Variants in NELL1 observed in about 807,000 individuals in gnomAD.
The protein encoded by NELL1 is protein kinase C-binding protein NELL1.
A neutral mutation model predicts 107.4 loss-of-function variants in NELL1; 76 were observed. The observed-to-expected ratio is 0.71, with a 90% CI of 0.59 to 0.86. The LOEUF (loss-of-function observed/expected upper bound fraction) is 0.86, where lower values mean the gene tolerates loss of function less well. NELL1 is among the 40% of genes least tolerant of loss of function. The pLI, the probability that NELL1 is intolerant of heterozygous loss-of-function variation, is 0.00. For synonymous variants in NELL1, 353 were observed against 341.2 expected, an observed-to-expected ratio of 1.03 and a Z score of -0.38; for missense variants, 1,024 against 1,005.5, an observed-to-expected ratio of 1.02 and a Z score of -0.25.
chr11:20,868,542 G>T (rs1444967965), intron 4 of NELL1, among the ~76,000 whole-genome samples: 5 of 151,912 alleles, frequency 3.3e-5, no homozygotes, highest in Non-Finnish European at 1.5e-5. Flanking sequence ...GTAATTTTTT[G>T]TTATAAACAT....
At chr11:21,218,398 T>C (rs1275833365) in intron 13 of NELL1, among the ~76,000 whole-genome samples, 3 of 152,154 alleles carry the variant, frequency 2.0e-5, no homozygotes, top group African/African-American at 7.2e-5. Context: ...AGATACAGAA[T>C]GACATTTAAA....
chr11:21,014,738 C>T (rs764830679), intron 12 of NELL1, among the ~76,000 whole-genome samples: 8 of 152,112 alleles, frequency 5.3e-5, no homozygotes, highest in East Asian at 1.9e-4. Flanking sequence ...ATTGAATAAA[C>T]GAAGAATATT....
intron 15 of NELL1, among the ~76,000 whole-genome samples, chr11:21,475,104 G>GA (rs1308555097): frequency 1.3e-5 from 2 of 151,580 alleles, no homozygotes; most frequent in African/African-American, 4.8e-5. Flanking sequence ...AAAACAAAAG[G>GA]AAAAAAAAGC....
chr11:20,894,967 C>A (rs552904367), intron 5 of NELL1, among the ~76,000 whole-genome samples: 2 of 151,764 alleles, frequency 1.3e-5, no homozygotes, highest in East Asian at 1.9e-4. Flanking sequence ...ACTCTGCTAT[C>A]AAACATTGAA....
intron 14 of NELL1, among the ~76,000 whole-genome samples, chr11:21,298,897 T>G (rs972412885): frequency 6.6e-6 from 1 of 151,990 alleles, no homozygotes. Flanking sequence ...GAAAAAAGAT[T>G]ATCTGCTCTC....
chr11:20,891,473 A>T (rs1328698287), intron 5 of NELL1, among the ~76,000 whole-genome samples: 1 of 152,144 alleles, frequency 6.6e-6, no homozygotes, highest in African/African-American at 2.4e-5. Flanking sequence ...AAAATAACCA[A>T]ATAACATCAT....
chr11:21,537,374 A>T (rs1415199687), intron 16 of NELL1, among the ~76,000 whole-genome samples: 1 of 151,832 alleles, frequency 6.6e-6, no homozygotes, highest in Non-Finnish European at 1.5e-5. Context: ...AGGCTTTTTG[A>T]TCTTTTCATG....
At chr11:21,041,713 GT>G (rs1853237503) in intron 12 of NELL1, among the ~76,000 whole-genome samples, 1 of 152,196 alleles carries the variant, frequency 6.6e-6, no homozygotes, top group Non-Finnish European at 1.5e-5. Context: ...ATTTAGTTAT[GT>G]TTATTCTAAT....
At chr11:20,976,431 C>G (rs1851637298) in intron 12 of NELL1, among the ~76,000 whole-genome samples, 1 of 152,114 alleles carries the variant, frequency 6.6e-6, no homozygotes, top group South Asian at 2.1e-4. Flanking sequence ...TCCACTGTCA[C>G]TGAGTATTGA....
intron 14 of NELL1, among the ~76,000 whole-genome samples, chr11:21,248,784 G>A (rs1171520201): frequency 6.6e-6 from 1 of 152,148 alleles, no homozygotes; most frequent in African/African-American, 2.4e-5. Context: ...CATTATAACA[G>A]TGCATTTTCC....
intron 15 of NELL1, among the ~76,000 whole-genome samples, chr11:21,515,854 T>A (rs556808125): frequency 6.6e-6 from 1 of 152,244 alleles, no homozygotes; most frequent in Non-Finnish European, 1.5e-5. Context: ...CACTACAAGT[T>A]GAGGAGGTAG....
chr11:21,068,747 C>T, intron 12 of NELL1, among the ~76,000 whole-genome samples: 1 of 152,116 alleles, frequency 6.6e-6, no homozygotes, highest in East Asian at 1.9e-4. Flanking sequence ...AATAGCTGTG[C>T]AGTGTGGCTA....
intron 5 of NELL1, among the ~76,000 whole-genome samples, chr11:20,911,978 G>A (rs898664271): frequency 1.3e-5 from 2 of 152,140 alleles, no homozygotes; most frequent in African/African-American, 2.4e-5. Context: ...CATAGCTCCA[G>A]GCTTTTAATA....
chr11:20,998,396 T>G (rs957371832), intron 12 of NELL1, among the ~76,000 whole-genome samples: 1 of 152,226 alleles, frequency 6.6e-6, no homozygotes, highest in African/African-American at 2.4e-5. Context: ...TAGCCATAGC[T>G]GAATTTTGTT....
chr11:21,461,369 G>A (rs1339853146), intron 15 of NELL1, among the ~76,000 whole-genome samples: 2 of 152,036 alleles, frequency 1.3e-5, no homozygotes, highest in Non-Finnish European at 2.9e-5. Context: ...TGAGCAGTTC[G>A]ATATTAAGAA....
At chr11:21,529,055 G>A (rs1385076397) in intron 15 of NELL1, among the ~76,000 whole-genome samples, 1 of 152,052 alleles carries the variant, frequency 6.6e-6, no homozygotes, top group African/African-American at 2.4e-5. Flanking sequence ...GCAACTCCAA[G>A]CAGTAATGGC....
At chr11:20,841,624 T>G (rs1344392757) in intron 3 of NELL1, among the ~76,000 whole-genome samples, 1 of 152,134 alleles carries the variant, frequency 6.6e-6, no homozygotes, top group African/African-American at 2.4e-5. Flanking sequence ...TTCAATAGTT[T>G]AAAACTATTT....
intron 2 of NELL1, among the ~76,000 whole-genome samples, chr11:20,715,301 TTG>T (rs869149418): frequency 0.016 from 148 of 9,388 alleles, no homozygotes; most frequent in East Asian, 0.12. Context: ...AGCTGGGTTT[TTG>T]TTTTTTTTTT....
rs535191892 is a variant in NELL1, at chr11:21,024,056, C to T, written c.1300+63496C>T. ...AAAAGCCTTGCTACAAAAAAGATAG[C>T]GATTTACTTCTCAAAAGTAATAACA... On this transcript the variant is annotated intron_variant, in intron 12 of 19. Coordinates refer to ENST00000357134, the MANE Select transcript of NELL1 (RefSeq NM_006157.5). Among the ~76,000 whole-genome samples the T allele has an allele frequency of 6.6e-5, 10 of 151,918 alleles. No homozygotes were observed. In the South Asian group the frequency reaches 1.0e-3, roughly 16 times the overall value.
Sources: allele counts gnomAD v4.1 joint callset (sites outside exome capture counted in the v4.1 genomes callset), GRCh38; gene constraint gnomAD v4.1.1; transcripts MANE v1.5; gene names NCBI Gene and HGNC (gene_info 2026-07-23, HGNC 2026-07-21).